The following HID1 variants were observed in gnomAD, a reference collection of about 807,000 sequenced individuals.
HID1 encodes the protein protein HID1.
HID1 carries 42 observed loss-of-function variants against 89.7 expected under a neutral mutation model. That is an observed-to-expected ratio of 0.47 (90% confidence interval 0.37 to 0.61). The LOEUF (loss-of-function observed/expected upper bound fraction) is 0.61, where lower values mean the gene tolerates loss of function less well. Ranked by LOEUF, HID1 falls within the 20% of genes least tolerant of loss-of-function variation. The probability of loss-of-function intolerance (pLI) is 0.00; values close to 1 mark genes in which losing one functional copy is unlikely to be tolerated. For missense variants in HID1, 854 were observed against 1,039.3 expected (o/e 0.82, Z 2.45); for synonymous variants, 442 against 433.8 (o/e 1.02, Z -0.24).
rs529615688 is a variant in HID1 at position 74,954,114 on chromosome 17, C to G, written c.1864+24G>C. ...CCCAGCCACACCAGTATCCACACTC[C>G]TGTCCCATCCACTAGCACCAGACCT... On this transcript the variant is annotated intron_variant, in intron 14 of 18. Coordinates refer to ENST00000425042, the MANE Select transcript of HID1 (RefSeq NM_030630.3). 4 of 1,565,204 alleles carry G rather than the reference C, an allele frequency of 2.6e-6. No homozygotes were observed. The South Asian group carries it at 4.7e-5, about 18-fold the overall frequency.
At position 74,953,968 on chromosome 17, in the gene HID1, T is replaced by G. The variant is rs912497827; in HGVS notation, c.1864+170A>C. 3.3e-5 allele frequency among the ~76,000 whole-genome samples: 5 copies of G among 152,176 alleles called. 1 individual carries two copies. The highest frequency in any genetic ancestry group is 3.9e-4 in the East Asian group (2 of 5,160). On this transcript the variant is annotated intron_variant, in intron 14 of 18. Coordinates refer to ENST00000425042, the MANE Select transcript of HID1 (RefSeq NM_030630.3). ...TTTGCCCCCAACACCAAGCTACATA[T>G]GCTAAGCCCATCCAGTACCCTCCCC...
At chr17:74,964,034 G>C (rs1567964039) in intron 2 of HID1, 124 bp from the exon 3 acceptor site, 2 of 993,624 alleles carry the variant, frequency 2.0e-6, no homozygotes, top group Non-Finnish European at 3.0e-6. Flanking sequence ...CTGCAGAGGA[G>C]AGACAGTGGG....
chr17:74,963,104 C>T, intron 3 of HID1, 23 bp from the exon 4 acceptor site: 1 of 1,538,622 alleles, frequency 6.5e-7, no homozygotes, highest in Non-Finnish European at 8.9e-7. Context: ...CACCCACAGG[C>T]TGCCTCAGTG....
rs2039504129 is a variant in HID1 at position 74,962,877 on chromosome 17, A to G, written c.504+88T>C. The stretch of plus-strand genomic sequence containing the variant: ...CTGGAGCCCCCCGGCCCCCAGTGCA[A>G]TCCGCCCAAGGGAACTTCAACTGGC... On this transcript the variant is annotated intron_variant, in intron 4 of 18. Transcript: ENST00000425042. The surrounding 1 kb of genome is among the most constrained non-coding windows in gnomAD (Gnocchi z 4.3). The G allele has an allele frequency of 2.2e-5, 21 of 938,110 alleles. No homozygotes were observed. The highest frequency in any genetic ancestry group is 3.3e-5 in the Non-Finnish European group (20 of 604,856). 58.1% of individuals were successfully genotyped at this position (938,110 alleles called of 1,614,324 possible). A position where few individuals can be genotyped will look rare whatever the true frequency, so the allele number is the denominator to read the frequency against.
chr17:74,961,865 C>CCCTT lies in HID1; in HGVS notation c.728+4_728+7dup. 2 of 1,465,600 alleles carry CCCTT rather than the reference C, an allele frequency of 1.4e-6. No individual in the cohort carries two copies. The highest frequency in any genetic ancestry group is 1.8e-6 in the Non-Finnish European group (2 of 1,107,918). 90.8% of individuals were successfully genotyped at this position (1,465,600 alleles called of 1,614,324 possible). On this transcript the variant is annotated splice_region_variant and intron_variant, in intron 6 of 18. Transcript: ENST00000425042. ...GAAGAGAGCGCAGAAAGGCCAAGGGCCCTTCACCTGTTCTCCGTGGAACAA... is the reference window on the plus strand; with the variant it reads ...GAAGAGAGCGCAGAAAGGCCAAGGGCCCTTCCTTCACCTGTTCTCCGTGGAACAA...
In HID1 at chr17:74,952,340, C is replaced by T. The variant is rs2039316515; in HGVS notation, c.2073G>A (p.Lys691=). ...TPEWVLSWKS[K]LPLQTIMRLL... ...GCCTCATGATGGTCTGCAGCGGCAG[C>T]TTCGACTTCCAGGAGAGGACCTGGC... is the stretch of plus-strand genomic sequence containing the variant. Residue 691 remains lysine (K), a synonymous_variant, in exon 17 of 19, where the codon AAG becomes AAA. Transcript: ENST00000425042. 1 of 1,613,770 alleles carries T rather than the reference C, an allele frequency of 6.2e-7. No individual in the cohort carries two copies. The highest frequency in any genetic ancestry group is 1.7e-4 in the Middle Eastern group (1 of 6,056).
At position 74,958,685 on chromosome 17, in the gene HID1, G is replaced by A. The variant is rs762065351; in HGVS notation, c.1228C>T (p.Arg410Trp). The A allele has an allele frequency of 1.6e-5, 16 of 977,152 alleles. No homozygotes were observed. Among genetic ancestry groups the A allele is most frequent in the Admixed American group, 4.1e-5 (2 of 49,088 alleles). The allele number at this position is 977,152 out of a possible 1,614,324, so 60.5% of individuals were successfully genotyped here. The change falls in exon 10 of 19, where the codon CGG becomes TGG. Residue 410 changes from arginine to tryptophan, a missense_variant. By Grantham distance (101) the Arg-to-Trp change is moderately radical. Transcript: ENST00000425042. This position sits in a 1 kb window ranked among gnomAD's most constrained non-coding sequence, Gnocchi z 5.2. Reference sequence around the variant, plus strand: ...ACCCTGGTCTTACACTGATCGGCCCGGGCATCGTTGAGGAAGAAGAGGATG... The same window carrying A: ...ACCCTGGTCTTACACTGATCGGCCCAGGCATCGTTGAGGAAGAAGAGGATG... Reference protein sequence around the residue: ...VPILFFLNDARADQSRVGLMH... With the variant: ...VPILFFLNDAWADQSRVGLMH...
chr17:74,958,826 C>G lies in HID1; in HGVS notation c.1150-63G>C, dbSNP rs1231580450. The G allele has an allele frequency of 1.3e-6, 2 of 1,593,084 alleles. No homozygotes were observed. Among genetic ancestry groups the G allele is most frequent in the Admixed American group, 3.4e-5 (2 of 58,096 alleles). On this transcript the variant is annotated intron_variant, in intron 9 of 18. Transcript: ENST00000425042. This position sits in a 1 kb window ranked among gnomAD's most constrained non-coding sequence, Gnocchi z 5.2. Reference sequence around the variant, plus strand: ...AGGGAGGGGCAGCTCTGCCCCACCCCCCTCAGTCTGACACTGTCCCTGCCC... The same window carrying G: ...AGGGAGGGGCAGCTCTGCCCCACCCGCCTCAGTCTGACACTGTCCCTGCCC...
Position 74,955,881 on chromosome 17 carries a change from G to C in HID1, c.1547C>G (p.Thr516Ser), listed in dbSNP as rs750052591. Residue 516 changes from threonine to serine, a missense_variant, in exon 13 of 19, where the codon ACC becomes AGC. Transcript: ENST00000425042. The part of the protein sequence containing the change: ...LLHLLEAFST[T>S]WFLFSAAQNH... ...CTGGGCGGCAGAGAAGAGGAACCAGGTGGTGGAGAAGGCCTCCAGCAGGTG... is the reference window on the plus strand; with the variant it reads ...CTGGGCGGCAGAGAAGAGGAACCAGCTGGTGGAGAAGGCCTCCAGCAGGTG... 1.9e-6 allele frequency: 3 copies of C among 1,614,152 alleles called. No homozygotes were observed. Among genetic ancestry groups the C allele is most frequent in the Non-Finnish European group, 2.5e-6 (3 of 1,180,006 alleles).
chr17:74,961,773 C>G (rs1333421266), intron 6 of HID1, 100 bp downstream of exon 6: 1 of 601,812 alleles, frequency 1.7e-6, no homozygotes. Flanking sequence ...CAGGGGGCAG[C>G]ACCTCCCCTC....
chr17:74,970,132 G>A (rs966337144), intron 1 of HID1, among the ~76,000 whole-genome samples: 1 of 151,412 alleles, frequency 6.6e-6, no homozygotes, highest in African/African-American at 2.4e-5. Flanking sequence ...GCTCAGGCTG[G>A]TCTCGAACTC....
chr17:74,957,150 T>C (rs1366972651), intron 12 of HID1, among the ~76,000 whole-genome samples: 1 of 151,682 alleles, frequency 6.6e-6, no homozygotes, highest in Admixed American at 6.6e-5. Context: ...CTGGGAAACA[T>C]AGTGAGATCC....
chr17:74,953,000 C>T lies in HID1; in HGVS notation c.2052+6G>A, dbSNP rs113366749. 1.7e-5 allele frequency: 27 copies of T among 1,600,236 alleles called. No homozygotes were observed. In the African/African-American group the frequency reaches 1.7e-4, roughly 10 times the overall value. Reference sequence around the variant, plus strand: ...CCCGCTCGCCTGGCACAGGGTCCCTCCTCACCCACTCTGGCGTTGGGCTCC... The same window carrying T: ...CCCGCTCGCCTGGCACAGGGTCCCTTCTCACCCACTCTGGCGTTGGGCTCC... On this transcript the variant is annotated splice_donor_region_variant and intron_variant, in intron 16 of 18. Transcript: ENST00000425042.
rs1164523342 is a variant in HID1, at chr17:74,963,730, G to T, written c.387+10C>A. 1 of 1,595,298 alleles carries T rather than the reference G, an allele frequency of 6.3e-7. No individual in the cohort carries two copies. Among genetic ancestry groups the T allele is most frequent in the East Asian group, 2.3e-5 (1 of 44,008 alleles). On this transcript the variant is annotated intron_variant, in intron 3 of 18. Coordinates refer to ENST00000425042, the MANE Select transcript of HID1 (RefSeq NM_030630.3). Reference sequence around the variant, plus strand: ...CTGCCTCCCACCCAGCCCTGGCCAGGCCCACAGACCCCTCCTCGCCCTGCC... The same window carrying T: ...CTGCCTCCCACCCAGCCCTGGCCAGTCCCACAGACCCCTCCTCGCCCTGCC...
intron 6 of HID1, 77 bp from the exon 7 acceptor site, chr17:74,960,325 G>A: frequency 3.1e-6 from 4 of 1,289,392 alleles, no homozygotes; most frequent in Non-Finnish European, 4.3e-6. Context: ...TGGCCACGTG[G>A]GAAGGTCAGC....
chr17:74,963,454 A>G, intron 3 of HID1: 1 of 513,502 alleles, frequency 1.9e-6, no homozygotes, highest in Non-Finnish European at 3.5e-6. Flanking sequence ...TCCGGCCCTC[A>G]GAGGGCCCAG....
At chr17:74,963,121 G>T in intron 3 of HID1, 40 bp from the exon 4 acceptor site, 1 of 1,471,500 alleles carries the variant, frequency 6.8e-7, no homozygotes, top group Non-Finnish European at 9.3e-7. Flanking sequence ...AGTGATAGCT[G>T]GCCAGGAAGA....
At chr17:74,958,000 T>C (rs534495950) in intron 12 of HID1, 141 bp downstream of exon 12, 39 of 641,106 alleles carry the variant, frequency 6.1e-5, no homozygotes, top group Non-Finnish European at 8.9e-5. Context: ...TTTTTTTTAA[T>C]GTGGCTACTA....
At position 74,958,844 on chromosome 17, in the gene HID1, C is replaced by A; in HGVS notation, c.1149+67G>T. On this transcript the variant is annotated intron_variant, in intron 9 of 18. Transcript: ENST00000425042. This position sits in a 1 kb window ranked among gnomAD's most constrained non-coding sequence, Gnocchi z 5.2. ...CCCACCCCCCTCAGTCTGACACTGTCCCTGCCCCCGGGTTATTGGGGCAGC... is the reference window on the plus strand; with the variant it reads ...CCCACCCCCCTCAGTCTGACACTGTACCTGCCCCCGGGTTATTGGGGCAGC... 1 of 1,586,252 alleles carries A rather than the reference C, an allele frequency of 6.3e-7. No homozygotes were observed. Among genetic ancestry groups the A allele is most frequent in the South Asian group, 1.1e-5 (1 of 87,464 alleles).
Sources: allele counts gnomAD v4.1 joint callset (sites outside exome capture counted in the v4.1 genomes callset), GRCh38; gene constraint gnomAD v4.1.1; non-coding constraint Gnocchi (gnomAD v3.1); transcripts MANE v1.5; gene names NCBI Gene and HGNC (gene_info 2026-07-23, HGNC 2026-07-21).